The following PAQR5 variants were observed in gnomAD, a reference collection of about 807,000 sequenced individuals.
The protein encoded by PAQR5 is membrane progestin receptor gamma.
In PAQR5, 20 loss-of-function variants were observed where a neutral mutation model predicts 34.5. The observed-to-expected ratio is 0.58, with a 90% CI of 0.41 to 0.84. The LOEUF (loss-of-function observed/expected upper bound fraction) is 0.84, where lower values mean the gene tolerates loss of function less well. Among genes scored for constraint, PAQR5 ranks in the 40% least tolerant of loss-of-function variants. PAQR5 has a pLI of 0.00. For missense variants in PAQR5, 378 were observed against 412.7 expected (o/e 0.92, Z 0.73); for synonymous variants, 131 against 155.6 (o/e 0.84, Z 1.18).
rs1293250662 is a variant in PAQR5, at chr15:69,337,507, T to C, written c.-116+6T>C. ...TACAAGGTTCCTGACCTGTGGTAAG[T>C]AAAGAACGTCACTTTCTAACAGGCC... is the stretch of plus-strand genomic sequence containing the variant. On this transcript the variant is annotated splice_donor_region_variant and intron_variant, in intron 2 of 8. Transcript: ENST00000395407. 1 of 152,228 alleles carries C rather than the reference T, an allele frequency of 6.6e-6. No individual in the cohort carries two copies. The highest frequency in any genetic ancestry group is 1.5e-5 in the Non-Finnish European group (1 of 68,036). The allele number at this position is 152,228 out of a possible 1,614,324, so 9.4% of individuals were successfully genotyped here. A position where few individuals can be genotyped will look rare whatever the true frequency, so the allele number is the denominator to read the frequency against.
At chr15:69,354,133 C>T (rs539966335) in intron 2 of PAQR5, among the ~76,000 whole-genome samples, 151 of 152,292 alleles carry the variant, frequency 9.9e-4, no homozygotes, top group Non-Finnish European at 1.7e-3. Flanking sequence ...GGCCCAGACC[C>T]TTCAGGAATT....
intron 1 of PAQR5, among the ~76,000 whole-genome samples, chr15:69,300,965 T>TTCTC (rs2053586629): frequency 1.5e-5 from 1 of 65,136 alleles, no homozygotes; most frequent in African/African-American, 6.7e-5. Context: ...CTTTCTTTCT[T>TTCTC]TCTTTCTTTC....
rs116025221 is a variant in PAQR5 at position 69,401,852 on chromosome 15, C to T, written c.752-1729C>T. Among the ~76,000 whole-genome samples, 329 of 152,284 alleles carry T rather than the reference C, an allele frequency of 2.2e-3. 2 individuals are homozygous for T. Among genetic ancestry groups the T allele is most frequent in the African/African-American group, 7.6e-3 (317 of 41,560 alleles). ...GCCAGGCCGGTTCATTCCTAGGACA[C>T]ATTTATTGAATATTTCTTCTGAGAT... On this transcript the variant is annotated intron_variant, in intron 8 of 8. Transcript: ENST00000395407.
At chr15:69,370,575 A>T (rs2055533136) in intron 3 of PAQR5, among the ~76,000 whole-genome samples, 1 of 152,160 alleles carries the variant, frequency 6.6e-6, no homozygotes, top group African/African-American at 2.4e-5. Context: ...GCTGGAGTGG[A>T]ATGGCGCGAT....
Position 69,379,967 on chromosome 15 carries a change from A to T in PAQR5, c.136A>T (p.Thr46Ser), listed in dbSNP as rs749437864. 2 of 1,614,008 alleles carry T rather than the reference A, an allele frequency of 1.2e-6. No individual in the cohort carries two copies. Among genetic ancestry groups the T allele is most frequent in the South Asian group, 1.1e-5 (1 of 91,080 alleles). The change falls in exon 4 of 9, where the codon ACC becomes TCC. Residue 46 changes from threonine (T) to serine (S), a missense_variant. Transcript: ENST00000395407. The stretch of plus-strand genomic sequence containing the variant: ...CTGCATCCTCAGCCTTTTCCAAATG[A>T]CCAATGAGACTCTCAACATTTGGAC... ...TACILSLFQM[T>S]NETLNIWTHL...
In PAQR5 at chr15:69,300,851, TTCTTTC is replaced by T. The variant is rs1274652440; in HGVS notation, c.-277+1797_-277+1802del. ...CCTTCCTTTAGTTCGTTTTCTTTCT[TTCTTTC>T]TTTCTTTCTTTCTTTCTTTCTTTCT... On this transcript the variant is annotated intron_variant, in intron 1 of 8. Coordinates refer to ENST00000395407, the MANE Select transcript of PAQR5 (RefSeq NM_017705.4). Among the ~76,000 whole-genome samples, 7 of 10,882 alleles carry T rather than the reference TTCTTTC, an allele frequency of 6.4e-4. 3 individuals carry two copies. Among genetic ancestry groups the T allele is most frequent in the Non-Finnish European group, 1.3e-3 (7 of 5,246 alleles). 7.1% of individuals were successfully genotyped at this position (10,882 alleles called of 152,430 possible).
chr15:69,386,309 ACT>A (rs1217005356), intron 5 of PAQR5, among the ~76,000 whole-genome samples: 5 of 150,562 alleles, frequency 3.3e-5, no homozygotes, highest in African/African-American at 9.8e-5. Context: ...TCACTCACAC[ACT>A]CTCACACACA....
chr15:69,366,399 A>G (rs1399047599), intron 3 of PAQR5, among the ~76,000 whole-genome samples: 1 of 152,262 alleles, frequency 6.6e-6, no homozygotes, highest in Non-Finnish European at 1.5e-5. Flanking sequence ...TATTATAAAT[A>G]TGCTGCTGTG....
chr15:69,369,854 G>A (rs555244218), intron 3 of PAQR5, among the ~76,000 whole-genome samples: 5 of 151,440 alleles, frequency 3.3e-5, no homozygotes, highest in African/African-American at 9.7e-5. Flanking sequence ...GCAAAGTCTC[G>A]TATTAGATTC....
intron 3 of PAQR5, among the ~76,000 whole-genome samples, chr15:69,370,334 G>T (rs1567025301): frequency 6.6e-6 from 1 of 152,138 alleles, no homozygotes; most frequent in Non-Finnish European, 1.5e-5. Context: ...GTCTTGCCAT[G>T]CTCTCATGAT....
At position 69,387,981 on chromosome 15, in the gene PAQR5, C is replaced by T. The variant is rs1007874997; in HGVS notation, c.386-1673C>T. On this transcript the variant is annotated intron_variant, in intron 5 of 8. Coordinates refer to ENST00000395407, the MANE Select transcript of PAQR5 (RefSeq NM_017705.4). ...ACACCTCCATTGCTGAGAACAACTC[C>T]GGAGCACAGAAGATGCTTCCAATCT... 1.6e-4 allele frequency among the ~76,000 whole-genome samples: 24 copies of T among 152,332 alleles called. No homozygotes were observed. The South Asian group carries it at 3.7e-3, about 24-fold the overall frequency.
At chr15:69,325,189 G>A (rs1411951749) in intron 1 of PAQR5, among the ~76,000 whole-genome samples, 5 of 152,142 alleles carry the variant, frequency 3.3e-5, no homozygotes, top group Non-Finnish European at 7.4e-5. Context: ...GTGAGCCACC[G>A]CGCCTGGCCC....
intron 1 of PAQR5, among the ~76,000 whole-genome samples, chr15:69,310,648 C>A (rs2053809729): frequency 1.3e-5 from 2 of 152,240 alleles, no homozygotes; most frequent in East Asian, 1.9e-4. Context: ...AGAAACTAGT[C>A]TTTTGTCTGG....
intron 5 of PAQR5, among the ~76,000 whole-genome samples, chr15:69,387,811 T>G (rs908539981): frequency 5.3e-5 from 8 of 152,146 alleles, no homozygotes; most frequent in Non-Finnish European, 1.0e-4. Flanking sequence ...CCATAGGCCA[T>G]TCCCCAGAAC....
At chr15:69,348,970 G>A (rs185328935) in intron 2 of PAQR5, among the ~76,000 whole-genome samples, 29 of 152,238 alleles carry the variant, frequency 1.9e-4, no homozygotes, top group Admixed American at 7.2e-4. Flanking sequence ...TGCCATTGAC[G>A]TCAGGTAACT....
At chr15:69,392,308 C>A (rs1475250174) in intron 6 of PAQR5, among the ~76,000 whole-genome samples, 2 of 152,052 alleles carry the variant, frequency 1.3e-5, no homozygotes, top group African/African-American at 4.8e-5. Flanking sequence ...AGGAGTCTTC[C>A]CTGATGGTTC....
At chr15:69,319,427 G>A (rs969392501) in intron 1 of PAQR5, among the ~76,000 whole-genome samples, 9 of 151,308 alleles carry the variant, frequency 5.9e-5, no homozygotes, top group African/African-American at 1.2e-4. Flanking sequence ...CATGTGACCC[G>A]AACGAGCACA....
At chr15:69,302,463 G>T (rs2053626999) in intron 1 of PAQR5, among the ~76,000 whole-genome samples, 1 of 152,210 alleles carries the variant, frequency 6.6e-6, no homozygotes, top group Non-Finnish European at 1.5e-5. Context: ...TAGGAGGGAA[G>T]GAAGGGTCTG....
Position 69,330,702 on chromosome 15 carries a change from C to T in PAQR5, c.-276-6639C>T, listed in dbSNP as rs529524169. On this transcript the variant is annotated intron_variant, in intron 1 of 8. Coordinates refer to ENST00000395407, the MANE Select transcript of PAQR5 (RefSeq NM_017705.4). ...CCCCCCAACCACCAACCAAGTTATC[C>T]TTAAAAACTCTGCTCCAGGAATGCT... Among the ~76,000 whole-genome samples the T allele has an allele frequency of 6.2e-4, 94 of 152,310 alleles. 1 individual carries two copies. In the South Asian group the frequency reaches 0.019, roughly 31 times the overall value.
Sources: gnomAD v4.1 joint callset for allele counts (sites outside exome capture counted in the v4.1 genomes callset) on GRCh38, gnomAD v4.1.1 for gene constraint, MANE v1.5 for transcripts, NCBI Gene and HGNC (gene_info 2026-07-23, HGNC 2026-07-21) for gene names.